Variants in EPHX1 observed in about 807,000 individuals in gnomAD.
EPHX1 encodes the protein epoxide hydrolase 1.
In EPHX1, 40 loss-of-function variants were observed where a neutral mutation model predicts 43.2. The observed-to-expected ratio is 0.93, with a 90% CI of 0.72 to 1.21. EPHX1 has a LOEUF of 1.21. EPHX1 is among the 50% of genes most tolerant of loss of function. The pLI, the probability that EPHX1 is intolerant of heterozygous loss-of-function variation, is 0.00. For missense variants in EPHX1, 550 were observed against 570.4 expected (o/e 0.96, Z 0.36); for synonymous variants, 221 against 226.7 (o/e 0.98, Z 0.22).
chr1:225,838,935 C>T (rs988295565), intron 4 of EPHX1, 54 bp downstream of exon 4: 37 of 1,570,606 alleles, frequency 2.4e-5, no homozygotes, highest in African/African-American at 5.4e-5. Flanking sequence ...AGGGTGGGCC[C>T]GGTGTTCCCA....
chr1:225,829,846 G>A (rs371310768), intron 2 of EPHX1, among the ~76,000 whole-genome samples: 4 of 152,066 alleles, frequency 2.6e-5, no homozygotes, highest in African/African-American at 7.2e-5. Context: ...AGGCTGAGGC[G>A]GTGGATCACC....
chr1:225,829,024 A>G, intron 2 of EPHX1, 112 bp downstream of exon 2: 1 of 1,281,202 alleles, frequency 7.8e-7, no homozygotes, highest in Non-Finnish European at 1.1e-6. Context: ...GGAATGGTCC[A>G]TCCTACTTGG....
intron 8 of EPHX1, among the ~76,000 whole-genome samples, chr1:225,844,906 G>A (rs533718071): frequency 3.9e-5 from 6 of 152,270 alleles, no homozygotes; most frequent in African/African-American, 1.4e-4. Context: ...GTCTCACATG[G>A]AAACCCTCAA....
chr1:225,826,810 C>G (rs375331378), intron 1 of EPHX1, among the ~76,000 whole-genome samples: 2 of 151,502 alleles, frequency 1.3e-5, no homozygotes, highest in Non-Finnish European at 2.9e-5. Context: ...GGGGAGGGGG[C>G]GAGGCACACA....
intron 7 of EPHX1, among the ~76,000 whole-genome samples, chr1:225,843,277 A>G (rs1229327644): frequency 6.6e-6 from 1 of 152,180 alleles, no homozygotes; most frequent in Admixed American, 6.5e-5. Context: ...GCCTTGGAGG[A>G]TAAGTAGGAG....
intron 1 of EPHX1, among the ~76,000 whole-genome samples, chr1:225,819,559 G>A (rs1666891215): frequency 6.6e-6 from 1 of 152,156 alleles, no homozygotes; most frequent in African/African-American, 2.4e-5. Flanking sequence ...ATGTACTTTG[G>A]AAGTTCAGCT....
chr1:225,835,854 G>A (rs984155515), intron 3 of EPHX1, among the ~76,000 whole-genome samples: 5 of 151,948 alleles, frequency 3.3e-5, no homozygotes, highest in Non-Finnish European at 5.9e-5. Context: ...AGCTGACATT[G>A]GGCATTTATG....
intron 1 of EPHX1, among the ~76,000 whole-genome samples, chr1:225,816,725 C>T (rs1666741991): frequency 6.6e-6 from 1 of 152,182 alleles, no homozygotes; most frequent in Non-Finnish European, 1.5e-5. Context: ...GCCACGGAGG[C>T]CTGGAGAAGT....
intron 1 of EPHX1, among the ~76,000 whole-genome samples, chr1:225,826,525 G>A (rs1407900357): frequency 5.3e-5 from 8 of 150,574 alleles, no homozygotes; most frequent in Non-Finnish European, 1.0e-4. Flanking sequence ...CGTGTCCCAC[G>A]TGTCTCCAGC....
chr1:225,827,230 C>T (rs916159510), intron 1 of EPHX1, among the ~76,000 whole-genome samples: 1 of 152,154 alleles, frequency 6.6e-6, no homozygotes, highest in African/African-American at 2.4e-5. Context: ...GGACCACCTC[C>T]TGCCTTGGGT....
At chr1:225,837,678 C>T (rs943389238) in intron 3 of EPHX1, among the ~76,000 whole-genome samples, 2 of 151,998 alleles carry the variant, frequency 1.3e-5, no homozygotes, top group East Asian at 1.9e-4. Context: ...TCAGCATGCC[C>T]GGGTAATTTT....
At chr1:225,826,715 G>A (rs1280398029) in intron 1 of EPHX1, among the ~76,000 whole-genome samples, 1 of 152,148 alleles carries the variant, frequency 6.6e-6, no homozygotes, top group South Asian at 2.1e-4. Context: ...AAGTATGCTG[G>A]TGACTATGAG....
At position 225,844,653 on chromosome 1, in the gene EPHX1, C is replaced by T. The variant is rs372006944; in HGVS notation, c.1166+30C>T. 2.9e-5 allele frequency: 47 copies of T among 1,612,970 alleles called. No individual in the cohort carries two copies. In the African/African-American group the frequency reaches 5.9e-4, roughly 20 times the overall value. ...GCCTGGCTGAGCCGAGAACAGGGGC[C>T]TCTGAGGCTGGAGGCAGGGGGACGG... On this transcript the variant is annotated intron_variant, in intron 8 of 8. Coordinates refer to ENST00000272167, the MANE Select transcript of EPHX1 (RefSeq NM_001136018.4).
chr1:225,839,234 A>C lies in EPHX1; in HGVS notation c.610A>C (p.Thr204Pro). Residue 204 changes from threonine to proline, a missense_variant, in exon 5 of 9, where the codon ACC becomes CCC. Transcript: ENST00000272167. The part of the protein sequence containing the change: ...SSKKGFNSVA[T>P]ARIFYKLMLR... The stretch of plus-strand genomic sequence containing the variant: ...ACTGCCAGGGTTCAACTCGGTGGCC[A>C]CCGCCAGGATCTTTTACAAGCTGAT... The C allele has an allele frequency of 6.2e-7, 1 of 1,614,030 alleles. No individual in the cohort carries two copies. The highest frequency in any genetic ancestry group is 8.5e-7 in the Non-Finnish European group (1 of 1,179,996).
intron 1 of EPHX1, among the ~76,000 whole-genome samples, chr1:225,825,767 C>G (rs1187039708): frequency 6.6e-6 from 1 of 152,230 alleles, no homozygotes; most frequent in Non-Finnish European, 1.5e-5. Flanking sequence ...CCTTCCCAAG[C>G]TATGGTTTAT....
intron 1 of EPHX1, among the ~76,000 whole-genome samples, chr1:225,815,776 G>A (rs1666698597): frequency 6.6e-6 from 1 of 152,234 alleles, no homozygotes; most frequent in Non-Finnish European, 1.5e-5. Context: ...AGATGAGACG[G>A]CAGGCTCAGG....
rs368469434 is a variant in EPHX1 at position 225,844,585 on chromosome 1, G to A, written c.1128G>A (p.Glu376=). ...TCTCCTCCCAGCGCTTCTACAAGGA[G>A]AACCTGGGACAGGGCTGGATGACCC... ...TIISSQRFYK[E]NLGQGWMTQK... The change falls in exon 8 of 9, where the codon GAG becomes GAA. Residue 376 remains glutamate, a synonymous_variant. Coordinates refer to ENST00000272167, the MANE Select transcript of EPHX1 (RefSeq NM_001136018.4). The A allele has an allele frequency of 1.1e-5, 17 of 1,614,034 alleles. No homozygotes were observed. The African/African-American group carries it at 1.3e-4, about 13-fold the overall frequency.
intron 1 of EPHX1, among the ~76,000 whole-genome samples, chr1:225,826,695 C>T (rs1210975291): frequency 1.3e-5 from 2 of 152,106 alleles, no homozygotes; most frequent in African/African-American, 2.4e-5. Flanking sequence ...AGGCTGCAGT[C>T]GGTTCTAAGA....
chr1:225,818,926 T>TA (rs546153231), intron 1 of EPHX1, among the ~76,000 whole-genome samples: 50,187 of 95,440 alleles, frequency 0.53, 13,527 homozygotes, highest in Non-Finnish European at 0.54. Context: ...CTGTCTCCAT[T>TA]AAAAAAAAAA....
Sources: gnomAD v4.1 joint callset for allele counts (sites outside exome capture counted in the v4.1 genomes callset) on GRCh38, gnomAD v4.1.1 for gene constraint, MANE v1.5 for transcripts, NCBI Gene and HGNC (gene_info 2026-07-23, HGNC 2026-07-21) for gene names.